SV2C: variants seen among roughly 807,000 people sequenced by gnomAD.
The protein encoded by SV2C is solute carrier family 22 member B3.
In SV2C, 49 loss-of-function variants were observed where a neutral mutation model predicts 79.7. That is an observed-to-expected ratio of 0.61 (90% CI 0.49 to 0.78). The LOEUF (loss-of-function observed/expected upper bound fraction) is 0.78, where lower values mean the gene tolerates loss of function less well. SV2C is among the 30% of genes least tolerant of loss of function. The pLI, the probability that SV2C is intolerant of heterozygous loss-of-function variation, is 0.00. For missense variants in SV2C, 833 were observed against 912.9 expected (o/e 0.91, Z 1.13); for synonymous variants, 334 against 333.2 (o/e 1.00, Z -0.03).
chr5:76,057,986 T>G, the SV2C span, among the ~76,000 whole-genome samples: 1 of 152,194 alleles, frequency 6.6e-6, no homozygotes, highest in Admixed American at 6.5e-5. Context: ...TAACGTCCAT[T>G]TCTTTATTTT....
chr5:75,868,907 T>G, the SV2C span, among the ~76,000 whole-genome samples: 1 of 152,224 alleles, frequency 6.6e-6, no homozygotes, highest in African/African-American at 2.4e-5. Context: ...GGGCGTAGGC[T>G]TTGCTTGAGA....
chr5:75,983,600 A>T, the SV2C span, among the ~76,000 whole-genome samples: 1 of 38,282 alleles, frequency 2.6e-5, no homozygotes, highest in African/African-American at 9.3e-5. Flanking sequence ...GCCAGCTTTA[A>T]AAAAAAAAAA....
the SV2C span, among the ~76,000 whole-genome samples, chr5:76,075,374 G>A: frequency 6.6e-6 from 1 of 152,188 alleles, no homozygotes; most frequent in Non-Finnish European, 1.5e-5. Flanking sequence ...AACTGAAAGG[G>A]AGAGAGGAAT....
At chr5:76,216,525 A>C (rs1370364475) in intron 4 of SV2C, among the ~76,000 whole-genome samples, 1 of 152,304 alleles carries the variant, frequency 6.6e-6, no homozygotes, top group Admixed American at 6.5e-5. Flanking sequence ...GGCCGGGTGC[A>C]GTGCCTCACA....
the SV2C span, among the ~76,000 whole-genome samples, chr5:75,912,608 T>C: frequency 3.3e-5 from 5 of 152,232 alleles, no homozygotes; most frequent in Admixed American, 2.6e-4. Context: ...GTATGTAGGA[T>C]AGGATCAGAC....
At chr5:76,061,056 G>A in the SV2C span, among the ~76,000 whole-genome samples, 1 of 151,972 alleles carries the variant, frequency 6.6e-6, no homozygotes, top group South Asian at 2.1e-4. Flanking sequence ...CATCTTATAT[G>A]GGCATAGTTT....
At chr5:76,153,315 T>C (rs1742616931) in intron 2 of SV2C, among the ~76,000 whole-genome samples, 1 of 152,184 alleles carries the variant, frequency 6.6e-6, no homozygotes. Context: ...TTCCTGATAT[T>C]GTACCTTCCT....
At chr5:75,858,299 G>A in the SV2C span, among the ~76,000 whole-genome samples, 1 of 152,024 alleles carries the variant, frequency 6.6e-6, no homozygotes, top group Middle Eastern at 3.2e-3. Flanking sequence ...TTTTTTGAGG[G>A]TTTTCATCAG....
rs780011739 is a variant in SV2C, at chr5:76,298,821, A to C, written c.1530A>C (p.Val510=). The C allele has an allele frequency of 6.2e-7, 1 of 1,613,948 alleles. No individual in the cohort carries two copies. Among genetic ancestry groups the C allele is most frequent in the South Asian group, 1.1e-5 (1 of 91,060 alleles). ...GRFIGVKFKS[V]TFKDSVFKSC... is the part of the protein sequence containing the mutation. ...TCATAGGGGTCAAGTTCAAATCTGT[A>C]ACTTTCAAAGACTCTGTTTTTAAGT... Residue 510 remains valine (V), a synonymous_variant, in exon 10 of 13, where the codon GTA becomes GTC. Coordinates refer to ENST00000502798, the MANE Select transcript of SV2C (RefSeq NM_014979.4).
At chr5:75,969,296 T>A in the SV2C span, among the ~76,000 whole-genome samples, 69 of 152,282 alleles carry the variant, frequency 4.5e-4, no homozygotes, top group East Asian at 0.012. Context: ...GCTAACATCA[T>A]AATGACAGGA....
At chr5:76,340,033 T>C (rs1052965938) in intron 12 of SV2C, among the ~76,000 whole-genome samples, 1 of 152,136 alleles carries the variant, frequency 6.6e-6, no homozygotes, top group African/African-American at 2.4e-5. Context: ...AAAACCGAGA[T>C]GGTGAGGAAA....
chr5:76,213,127 A>G (rs1744815062), intron 4 of SV2C, among the ~76,000 whole-genome samples: 1 of 152,216 alleles, frequency 6.6e-6, no homozygotes, highest in South Asian at 2.1e-4. Context: ...GTCAATATGA[A>G]AACCTTATGC....
At chr5:76,144,250 C>G (rs959528569) in intron 2 of SV2C, among the ~76,000 whole-genome samples, 2 of 139,744 alleles carry the variant, frequency 1.4e-5, no homozygotes, top group Non-Finnish European at 3.3e-5. Context: ...TATTTTTTCA[C>G]TGTAAAGACC....
chr5:76,058,183 C>T, the SV2C span, among the ~76,000 whole-genome samples: 28 of 152,026 alleles, frequency 1.8e-4, no homozygotes, highest in South Asian at 3.5e-3. Context: ...AGAGGAGGGG[C>T]ACCCAAGGAG....
the SV2C span, among the ~76,000 whole-genome samples, chr5:75,953,625 C>T: frequency 1.3e-4 from 20 of 151,898 alleles, 1 homozygote; most frequent in African/African-American, 4.8e-4. Context: ...CCCATATATG[C>T]TACAGGCTAG....
chr5:76,336,210 G>A (rs1428845689), downstream of SV2C, among the ~76,000 whole-genome samples: 1 of 151,638 alleles, frequency 6.6e-6, no homozygotes, highest in Non-Finnish European at 1.5e-5. Context: ...TCACTTCCCA[G>A]ACGGGGTGGC....
At chr5:76,315,188 GCACACACACA>G (rs10606819) in intron 12 of SV2C, among the ~76,000 whole-genome samples, 25 of 145,204 alleles carry the variant, frequency 1.7e-4, no homozygotes, top group South Asian at 4.5e-4. Flanking sequence ...ATGGCCAGGC[GCACACACACA>G]CACACACACA....
At chr5:76,254,230 A>ATGTG (rs35436365) in intron 4 of SV2C, among the ~76,000 whole-genome samples, 6 of 147,872 alleles carry the variant, frequency 4.1e-5, no homozygotes, top group African/African-American at 1.5e-4. Flanking sequence ...GTGTATATAT[A>ATGTG]TGTGTGTGTG....
intron 4 of SV2C, among the ~76,000 whole-genome samples, chr5:76,219,443 T>C (rs1265357583): frequency 6.6e-6 from 1 of 152,192 alleles, no homozygotes; most frequent in Non-Finnish European, 1.5e-5. Flanking sequence ...GCTTAAAAAG[T>C]AGATGTGAAA....
Sources: gnomAD v4.1 joint callset for allele counts (sites outside exome capture counted in the v4.1 genomes callset) on GRCh38, gnomAD v4.1.1 for gene constraint, MANE v1.5 for transcripts, NCBI Gene and HGNC (gene_info 2026-07-23, HGNC 2026-07-21) for gene names.